The following ELOA variants were observed in gnomAD, a reference collection of about 807,000 sequenced individuals.
The protein encoded by ELOA is elongin-A.
In ELOA, 15 loss-of-function variants were observed where a neutral mutation model predicts 85.2. That is an observed-to-expected ratio of 0.18 (90% CI 0.12 to 0.27). The LOEUF (loss-of-function observed/expected upper bound fraction) is 0.27, where lower values mean the gene tolerates loss of function less well. Among genes scored for constraint, ELOA ranks in the 10% least tolerant of loss-of-function variants. The pLI is 1.00. For synonymous variants in ELOA, 348 were observed against 357.2 expected, an observed-to-expected ratio of 0.97 and a Z score of 0.29; for missense variants, 769 against 952.7, an observed-to-expected ratio of 0.81 and a Z score of 2.54.
intron 5 of ELOA, 112 bp downstream of exon 5, chr1:23,752,630 G>A: frequency 1.7e-6 from 2 of 1,152,670 alleles, no homozygotes; most frequent in Non-Finnish European, 2.5e-6. Context: ...GCCGAGGTAA[G>A]AGGATTGCTT....
Position 23,754,224 on chromosome 1 carries a change from A to T in ELOA, c.1662A>T (p.Gln554His), listed in dbSNP as rs371521263. The T allele has an allele frequency of 2.5e-6, 4 of 1,614,090 alleles. No individual in the cohort carries two copies. In the African/African-American group the frequency reaches 5.3e-5, roughly 22 times the overall value. ...YLPKMMTLHQ[Q>H]CIRVLKNNID... ...CTAAAATGATGACCTTGCACCAGCA[A>T]TGCATCCGAGTACTTAAAAACAACA... is the stretch of plus-strand genomic sequence containing the variant. The change falls in exon 6 of 11, where the codon CAA becomes CAT. Residue 554 changes from glutamine (Q) to histidine (H), a missense_variant. Transcript: ENST00000613537.
Position 23,754,344 on chromosome 1 carries a change from A to C in ELOA, c.1694-19A>C. 1.2e-6 allele frequency: 2 copies of C among 1,613,934 alleles called. No individual in the cohort carries two copies. The highest frequency in any genetic ancestry group is 1.7e-6 in the Non-Finnish European group (2 of 1,179,946). ...GGCTTGGCTGCTACTCAGTGTCTTC[A>C]CCTTTGGTTTCTCTGCAGCAATCTT... On this transcript the variant is annotated intron_variant, in intron 6 of 10. Coordinates refer to ENST00000613537, the MANE Select transcript of ELOA (RefSeq NM_003198.3).
At chr1:23,756,513 A>G in intron 9 of ELOA, 128 bp downstream of exon 9, 1 of 773,156 alleles carries the variant, frequency 1.3e-6, no homozygotes, top group East Asian at 2.8e-5. Flanking sequence ...GGCAGACCTC[A>G]TCAGCTCAGC....
Position 23,754,128 on chromosome 1 carries a change from A to G in ELOA, c.1566A>G (p.Glu522=). The change falls in exon 6 of 11, where the codon GAA becomes GAG. Residue 522 remains glutamate, a synonymous_variant. Coordinates refer to ENST00000613537, the MANE Select transcript of ELOA (RefSeq NM_003198.3). The part of the protein sequence containing the change: ...KAFSSPQEEE[E]AGFTGRRMNS... ...TCTCTTCACCCCAGGAAGAAGAAGAAGCTGGATTTACTGGGCGCAGAATGA... is the reference window on the plus strand; with the variant it reads ...TCTCTTCACCCCAGGAAGAAGAAGAGGCTGGATTTACTGGGCGCAGAATGA... 2 of 1,614,210 alleles carry G rather than the reference A, an allele frequency of 1.2e-6. No individual in the cohort carries two copies. The highest frequency in any genetic ancestry group is 1.7e-6 in the Non-Finnish European group (2 of 1,180,034).
At chr1:23,747,420 C>T (rs1465749068) in intron 1 of ELOA, among the ~76,000 whole-genome samples, 4 of 152,100 alleles carry the variant, frequency 2.6e-5, no homozygotes, top group Non-Finnish European at 4.4e-5. Flanking sequence ...GAATAACATC[C>T]ACTTTATAGA....
intron 10 of ELOA, among the ~76,000 whole-genome samples, chr1:23,758,274 T>TTTTA (rs1557456783): frequency 1.9e-5 from 2 of 102,768 alleles, no homozygotes; most frequent in African/African-American, 7.6e-5. Flanking sequence ...TTTTTTTTTT[T>TTTTA]TTTTTTTTTT....
chr1:23,752,264 G>A, intron 4 of ELOA, 143 bp from the exon 5 acceptor site: 3 of 817,012 alleles, frequency 3.7e-6, no homozygotes, highest in Non-Finnish European at 3.9e-6. Flanking sequence ...CCTGACTGAG[G>A]TGGTGTCAGA....
At chr1:23,743,838 C>T (rs1301356476) in intron 1 of ELOA, among the ~76,000 whole-genome samples, 2 of 152,172 alleles carry the variant, frequency 1.3e-5, no homozygotes, top group Non-Finnish European at 2.9e-5. Context: ...ACACCGCGTG[C>T]CTAGCGCTTC....
intron 2 of ELOA, 111 bp from the exon 3 acceptor site, chr1:23,749,731 G>C (rs1195520876): frequency 1.2e-6 from 1 of 866,100 alleles, no homozygotes; most frequent in African/African-American, 1.7e-5. Flanking sequence ...AGGGTATGTT[G>C]TAGGAAGGAA....
chr1:23,757,055 C>A lies in ELOA; in HGVS notation c.2187C>A (p.Thr729=). ...AGCCGGCCTATGATGGCCCAAGCAC[C>A]AGCAGTGCCCACTTGGCACCAGTGG... ...PEEPAYDGPS[T]SSAHLAPVVS... is the part of the protein sequence containing the mutation. Residue 729 remains threonine, a synonymous_variant, in exon 10 of 11, where the codon ACC becomes ACA. Coordinates refer to ENST00000613537, the MANE Select transcript of ELOA (RefSeq NM_003198.3). The A allele has an allele frequency of 6.2e-7, 1 of 1,610,896 alleles. No homozygotes were observed. Among genetic ancestry groups the A allele is most frequent in the Non-Finnish European group, 8.5e-7 (1 of 1,179,024 alleles).
At chr1:23,753,476 T>C (rs773447903) in intron 5 of ELOA, among the ~76,000 whole-genome samples, 16 of 152,068 alleles carry the variant, frequency 1.1e-4, no homozygotes, top group Admixed American at 5.9e-4. Flanking sequence ...AGGATTTTTG[T>C]CTGAAAGAAA....
rs1448680463 is a variant in ELOA, at chr1:23,750,962, G to C, written c.357G>C (p.Thr119=). 1 of 1,613,878 alleles carries C rather than the reference G, an allele frequency of 6.2e-7. No homozygotes were observed. The highest frequency in any genetic ancestry group is 8.5e-7 in the Non-Finnish European group (1 of 1,180,002). Reference sequence around the variant, plus strand: ...ACTACCAAGAAACCTGGAAAGCCACGGGGAGCCGATCCTATAGCCCTGACC... The same window carrying C: ...ACTACCAAGAAACCTGGAAAGCCACCGGGAGCCGATCCTATAGCCCTGACC... ...EGDYQETWKA[T]GSRSYSPDHR... Residue 119 remains threonine, a synonymous_variant, in exon 4 of 11, where the codon ACG becomes ACC. Transcript: ENST00000613537.
intron 2 of ELOA, 85 bp downstream of exon 2, chr1:23,749,162 T>C: frequency 2.4e-6 from 3 of 1,229,416 alleles, no homozygotes; most frequent in Non-Finnish European, 2.4e-6. Flanking sequence ...GTTACAAGTA[T>C]GGGCTTTGGA....
Position 23,751,412 on chromosome 1 carries a change from G to T in ELOA, c.807G>T (p.Glu269Asp). The T allele has an allele frequency of 6.2e-7, 1 of 1,614,146 alleles. No homozygotes were observed. The highest frequency in any genetic ancestry group is 1.1e-5 in the South Asian group (1 of 91,086). Residue 269 changes from glutamate (E) to aspartate (D), a missense_variant, in exon 4 of 11, where the codon GAG (glutamate) becomes GAT (aspartate). Coordinates refer to ENST00000613537, the MANE Select transcript of ELOA (RefSeq NM_003198.3). ...SDEKASVVSR[E>D]KSHKALSKEE... ...AGAAGGCCTCTGTGGTGAGCAGAGA[G>T]AAATCACACAAGGCCCTCTCCAAAG...
intron 2 of ELOA, 73 bp from the exon 3 acceptor site, chr1:23,749,769 G>C: frequency 7.6e-7 from 1 of 1,313,540 alleles, no homozygotes; most frequent in Admixed American, 2.0e-5. Context: ...TCTCAAAGTA[G>C]AAAGCCTTAT....
At chr1:23,758,527 C>T (rs1638247414) in intron 10 of ELOA, among the ~76,000 whole-genome samples, 1 of 149,464 alleles carries the variant, frequency 6.7e-6, no homozygotes, top group South Asian at 2.2e-4. Flanking sequence ...CCCGCCTCAG[C>T]CTCCCAAAGT....
chr1:23,753,162 A>G (rs1426253587), intron 5 of ELOA, among the ~76,000 whole-genome samples: 1 of 152,156 alleles, frequency 6.6e-6, no homozygotes, highest in Non-Finnish European at 1.5e-5. Context: ...ACAAACAAAA[A>G]AACTATCACC....
At chr1:23,749,370 A>T (rs1644759388) in intron 2 of ELOA, among the ~76,000 whole-genome samples, 1 of 152,216 alleles carries the variant, frequency 6.6e-6, no homozygotes, top group South Asian at 2.1e-4. Context: ...TAATATTGTG[A>T]ATGTTCTGGA....
chr1:23,756,856 CAG>C (rs1415785199), intron 9 of ELOA, 95 bp from the exon 10 acceptor site: 2 of 1,272,504 alleles, frequency 1.6e-6, no homozygotes, highest in Non-Finnish European at 2.1e-6. Context: ...AAGCCACAAA[CAG>C]GGTGAGTCAT....
Sources: gnomAD v4.1 joint callset for allele counts (sites outside exome capture counted in the v4.1 genomes callset) on GRCh38, gnomAD v4.1.1 for gene constraint, MANE v1.5 for transcripts, NCBI Gene and HGNC (gene_info 2026-07-23, HGNC 2026-07-21) for gene names.